The following KRCC1 variants were observed in gnomAD, a reference collection of about 807,000 sequenced individuals.
KRCC1 encodes the protein lysine-rich coiled-coil protein 1.
Under a neutral mutation model 7.4 loss-of-function variants are expected in KRCC1, and 3 were observed. The ratio of observed to expected loss-of-function variants is 0.40; its 90% confidence interval spans 0.18 to 1.04. The LOEUF is 1.04. Among genes scored for constraint, KRCC1 ranks in the 50% least tolerant of loss-of-function variants. The probability of loss-of-function intolerance (pLI) is 0.33; values close to 1 mark genes in which losing one functional copy is unlikely to be tolerated. For missense variants in KRCC1, 277 were observed against 300.9 expected, an observed-to-expected ratio of 0.92 and a Z score of 0.59; for synonymous variants, 102 against 101.6, an observed-to-expected ratio of 1.00 and a Z score of -0.02.
intron 3 of KRCC1, among the ~76,000 whole-genome samples, chr2:88,032,099 G>A (rs369023881): frequency 2.0e-5 from 3 of 151,978 alleles, no homozygotes; most frequent in Admixed American, 6.6e-5. Context: ...CCGAGATCGC[G>A]CCACTGCACT....
At chr2:88,054,976 G>A (rs909923624) in intron 1 of KRCC1, among the ~76,000 whole-genome samples, 2 of 152,036 alleles carry the variant, frequency 1.3e-5, no homozygotes, top group African/African-American at 2.4e-5. Flanking sequence ...CTAAATTAGA[G>A]GATTAAAAGC....
chr2:88,036,471 C>CA (rs146866782), intron 2 of KRCC1, among the ~76,000 whole-genome samples: 27,346 of 152,052 alleles, frequency 0.18, 2,810 homozygotes, highest in Non-Finnish European at 0.23. Context: ...TAAGGAAGTA[C>CA]AATCATTAGA....
At chr2:88,030,567 T>C (rs1006933295) in intron 3 of KRCC1, among the ~76,000 whole-genome samples, 1 of 152,064 alleles carries the variant, frequency 6.6e-6, no homozygotes, top group Non-Finnish European at 1.5e-5. Flanking sequence ...AAAGCACTGA[T>C]CAGCAAGTAA....
At chr2:88,032,313 G>A (rs1024884598) in intron 3 of KRCC1, among the ~76,000 whole-genome samples, 10 of 152,110 alleles carry the variant, frequency 6.6e-5, no homozygotes, top group Non-Finnish European at 1.2e-4. Flanking sequence ...CCACACAAGT[G>A]TACTATTTTT....
At chr2:88,048,729 G>C (rs1447729590) in intron 1 of KRCC1, among the ~76,000 whole-genome samples, 1 of 152,162 alleles carries the variant, frequency 6.6e-6, no homozygotes, top group Non-Finnish European at 1.5e-5. Context: ...GAATAGAAGC[G>C]GTGAGAATGG....
chr2:88,033,081 A>T (rs1461542264), intron 3 of KRCC1, among the ~76,000 whole-genome samples: 1 of 152,162 alleles, frequency 6.6e-6, no homozygotes, highest in African/African-American at 2.4e-5. Context: ...CTAAAGGGGC[A>T]TTTTTTGGGC....
At chr2:88,053,766 G>C (rs1192371040) in intron 1 of KRCC1, among the ~76,000 whole-genome samples, 1 of 151,932 alleles carries the variant, frequency 6.6e-6, no homozygotes, top group Non-Finnish European at 1.5e-5. Flanking sequence ...AAATATTATG[G>C]GATAACACAC....
Position 88,055,617 on chromosome 2 carries a change from G to T in KRCC1, c.-291+9C>A, listed in dbSNP as rs1432171327. ...CCGGGCCGCCCCCGCCGCCGGGGCGGGAACTCACCTTCTCTGAGGCAGGGG... is the reference window on the plus strand; with the variant it reads ...CCGGGCCGCCCCCGCCGCCGGGGCGTGAACTCACCTTCTCTGAGGCAGGGG... On this transcript the variant is annotated intron_variant, in intron 1 of 3. Transcript: ENST00000347055. 6.6e-6 allele frequency: 1 copy of T among 152,382 alleles called. No individual in the cohort carries two copies. The highest frequency in any genetic ancestry group is 6.5e-5 in the Admixed American group (1 of 15,286). 9.4% of individuals were successfully genotyped at this position (152,382 alleles called of 1,614,324 possible). A position where few individuals can be genotyped will look rare whatever the true frequency, so the allele number is the denominator to read the frequency against.
intron 1 of KRCC1, among the ~76,000 whole-genome samples, chr2:88,045,981 G>A (rs1673324583): frequency 6.6e-6 from 1 of 152,120 alleles, no homozygotes; most frequent in Non-Finnish European, 1.5e-5. Flanking sequence ...TGCCCGGCCT[G>A]AATTGTACAT....
chr2:88,047,574 G>T (rs1243477479), intron 1 of KRCC1, among the ~76,000 whole-genome samples: 1 of 152,120 alleles, frequency 6.6e-6, no homozygotes, highest in African/African-American at 2.4e-5. Context: ...TGTCTCCCAG[G>T]CTAGAGTGCG....
At position 88,027,786 on chromosome 2, in the gene KRCC1, A is replaced by C. The variant is rs1672901874; in HGVS notation, c.778T>G (p.Ter260GlyextTer10). The change falls in exon 4 of 4, where the codon TGA becomes GGA. Residue 260 changes from the stop codon to glycine, a stop_lost. Transcript: ENST00000347055. ...TGGGAGAACCAACTTTGAAAGCTTC[A>C]AAATCCAAGAATAGACTGGTCCCAA... is the stretch of plus-strand genomic sequence containing the variant. Reference protein sequence around the residue: ...MLWDQSILGF* With the variant: ...MLWDQSILGFG 6.4e-7 allele frequency: 1 copy of C among 1,564,928 alleles called. No individual in the cohort carries two copies. The highest frequency in any genetic ancestry group is 2.2e-5 in the East Asian group (1 of 44,496).
Position 88,027,782 on chromosome 2 carries a change from C to G in KRCC1, c.*2G>C. ...ACTTTGGGAGAACCAACTTTGAAAG[C>G]TTCAAAATCCAAGAATAGACTGGTC... On this transcript the variant is annotated 3_prime_UTR_variant, in exon 4 of 4. Transcript: ENST00000347055. The G allele has an allele frequency of 6.4e-7, 1 of 1,563,378 alleles. No homozygotes were observed. The highest frequency in any genetic ancestry group is 8.6e-7 in the Non-Finnish European group (1 of 1,161,884).
At chr2:88,039,008 C>T (rs1213148519) in intron 1 of KRCC1, among the ~76,000 whole-genome samples, 1 of 152,124 alleles carries the variant, frequency 6.6e-6, no homozygotes, top group Non-Finnish European at 1.5e-5. Flanking sequence ...TCTTGACTGC[C>T]TGTATCCTTG....
At chr2:88,052,350 T>A (rs1447220590) in intron 1 of KRCC1, among the ~76,000 whole-genome samples, 1 of 152,270 alleles carries the variant, frequency 6.6e-6, no homozygotes, top group Non-Finnish European at 1.5e-5. Context: ...TTTGACTTCA[T>A]GAAAGTACAT....
chr2:88,033,781 T>C (rs1183170285), intron 3 of KRCC1, among the ~76,000 whole-genome samples: 2 of 152,206 alleles, frequency 1.3e-5, no homozygotes, highest in Non-Finnish European at 2.9e-5. Flanking sequence ...GCACCTACTT[T>C]GGAAAATAAC....
At chr2:88,031,982 A>G (rs1329796452) in intron 3 of KRCC1, among the ~76,000 whole-genome samples, 1 of 151,916 alleles carries the variant, frequency 6.6e-6, no homozygotes, top group Non-Finnish European at 1.5e-5. Context: ...ATCTCTAGTA[A>G]TAATACAAAA....
chr2:88,031,969 C>T (rs1673000648), intron 3 of KRCC1, among the ~76,000 whole-genome samples: 1 of 151,622 alleles, frequency 6.6e-6, no homozygotes, highest in South Asian at 2.1e-4. Context: ...ATGGTGAAAC[C>T]CCATCTCTAG....
At chr2:88,044,536 A>T (rs534244090) in intron 1 of KRCC1, among the ~76,000 whole-genome samples, 1 of 152,362 alleles carries the variant, frequency 6.6e-6, no homozygotes, top group African/African-American at 2.4e-5. Context: ...GACAAACTCA[A>T]TTTAAAAAGG....
In KRCC1 at chr2:88,027,691, C is replaced by A; in HGVS notation, c.*93G>T. 1 of 1,102,472 alleles carries A rather than the reference C, an allele frequency of 9.1e-7. No homozygotes were observed. Among genetic ancestry groups the A allele is most frequent in the East Asian group, 2.4e-5 (1 of 41,542 alleles). 68.3% of individuals were successfully genotyped at this position (1,102,472 alleles called of 1,614,324 possible). ...TTTGTTAGAAGTTAAAGAACCTATTCACATAAGAAAAGTGGTATGAACACG... is the reference window on the plus strand; with the variant it reads ...TTTGTTAGAAGTTAAAGAACCTATTAACATAAGAAAAGTGGTATGAACACG... On this transcript the variant is annotated 3_prime_UTR_variant, in exon 4 of 4. Coordinates refer to ENST00000347055, the MANE Select transcript of KRCC1 (RefSeq NM_016618.3).
Sources: gnomAD v4.1 joint callset for allele counts (sites outside exome capture counted in the v4.1 genomes callset) on GRCh38, gnomAD v4.1.1 for gene constraint, MANE v1.5 for transcripts, NCBI Gene and HGNC (gene_info 2026-07-23, HGNC 2026-07-21) for gene names.